Variants in DSCAM observed in about 807,000 individuals in gnomAD.
The protein encoded by DSCAM is cell adhesion molecule DSCAM.
A neutral mutation model predicts 217.7 loss-of-function variants in DSCAM; 47 were observed. That is an observed-to-expected ratio of 0.22 (90% confidence interval 0.17 to 0.28). The LOEUF is 0.28. Ranked by LOEUF, DSCAM falls within the 10% of genes least tolerant of loss-of-function variation. The pLI, the probability that DSCAM is intolerant of heterozygous loss-of-function variation, is 1.00. For missense variants in DSCAM, 2,080 were observed against 2,618.3 expected (o/e 0.79, Z 4.49); for synonymous variants, 1,056 against 1,015.3 (o/e 1.04, Z -0.76).
chr21:40,058,357 C>A (rs539025117), intron 28 of DSCAM, among the ~76,000 whole-genome samples: 2 of 152,246 alleles, frequency 1.3e-5, no homozygotes, highest in South Asian at 4.2e-4. Flanking sequence ...TGTCCCCATT[C>A]TCTGTTTAAT....
chr21:40,155,677 C>T lies in DSCAM; in HGVS notation c.3019-10946G>A, dbSNP rs550136761. Among the ~76,000 whole-genome samples the T allele has an allele frequency of 3.8e-4, 58 of 152,228 alleles. No individual in the cohort carries two copies. In the South Asian group the frequency reaches 0.011, roughly 30 times the overall value. ...AAGACAGTGTCTGATTCTGGAAGCTCTGTAAGACAGCGCCAGGGGAGGGCC... is the reference window on the plus strand; with the variant it reads ...AAGACAGTGTCTGATTCTGGAAGCTTTGTAAGACAGCGCCAGGGGAGGGCC... On this transcript the variant is annotated intron_variant, in intron 16 of 32. Transcript: ENST00000400454.
chr21:40,317,599 G>A lies in DSCAM; in HGVS notation c.1784-5240C>T, dbSNP rs537297774. On this transcript the variant is annotated intron_variant, in intron 8 of 32. Transcript: ENST00000400454. ...GGCTGGAGTTCAGTGGCATGATCTC[G>A]CCTCACTGCAACCTCCACCTCCCGG... Among the ~76,000 whole-genome samples the A allele has an allele frequency of 2.0e-4, 31 of 151,512 alleles. 1 individual carries two copies. The South Asian group carries it at 4.8e-3, about 24-fold the overall frequency.
chr21:40,449,023 T>G (rs73222695), intron 3 of DSCAM, among the ~76,000 whole-genome samples: 1 of 152,160 alleles, frequency 6.6e-6, no homozygotes, highest in African/African-American at 2.4e-5. Context: ...TTATTCCTTT[T>G]CCAGCTTTCA....
chr21:40,560,184 A>G (rs2076709085), intron 3 of DSCAM, among the ~76,000 whole-genome samples: 1 of 152,156 alleles, frequency 6.6e-6, no homozygotes, highest in Non-Finnish European at 1.5e-5. Flanking sequence ...AGGAGCAGAG[A>G]GGCAGCATTT....
chr21:40,368,638 C>G (rs1235060749), intron 4 of DSCAM, among the ~76,000 whole-genome samples: 1 of 152,326 alleles, frequency 6.6e-6, no homozygotes, highest in East Asian at 1.9e-4. Flanking sequence ...AAATAAGGTA[C>G]TTCTCAAATA....
At chr21:40,301,579 C>T (rs184188977) in intron 9 of DSCAM, among the ~76,000 whole-genome samples, 1 of 152,298 alleles carries the variant, frequency 6.6e-6, no homozygotes, top group African/African-American at 2.4e-5. Context: ...TTCTCTGAGG[C>T]CTTAATTACT....
At chr21:40,232,550 C>T (rs2091391478) in intron 11 of DSCAM, among the ~76,000 whole-genome samples, 3 of 152,160 alleles carry the variant, frequency 2.0e-5, no homozygotes, top group South Asian at 4.1e-4. Flanking sequence ...CGGAAAGCTA[C>T]TGCCCAAGCT....
intron 3 of DSCAM, among the ~76,000 whole-genome samples, chr21:40,464,511 C>T (rs2075828946): frequency 6.6e-6 from 1 of 152,160 alleles, no homozygotes; most frequent in East Asian, 1.9e-4. Context: ...CATTGCTTTT[C>T]ATTCTATCTA....
At chr21:40,351,575 G>C (rs2074631539) in intron 5 of DSCAM, among the ~76,000 whole-genome samples, 1 of 152,166 alleles carries the variant, frequency 6.6e-6, no homozygotes, top group Non-Finnish European at 1.5e-5. Context: ...CAAGAAGACA[G>C]TTCTGAATTT....
At chr21:40,511,731 C>A (rs1430697426) in intron 3 of DSCAM, among the ~76,000 whole-genome samples, 1 of 151,988 alleles carries the variant, frequency 6.6e-6, no homozygotes, top group African/African-American at 2.4e-5. Flanking sequence ...GTGGCTCACG[C>A]CTGTAATCCC....
At chr21:40,217,131 T>G (rs73213103) in intron 11 of DSCAM, among the ~76,000 whole-genome samples, 8,288 of 152,276 alleles carry the variant, frequency 0.054, 355 homozygotes, top group African/African-American at 0.11. Context: ...CAAGATTATT[T>G]TATATTTGAA....
intron 3 of DSCAM, among the ~76,000 whole-genome samples, chr21:40,650,750 C>T (rs909845661): frequency 6.6e-6 from 1 of 152,176 alleles, no homozygotes; most frequent in Non-Finnish European, 1.5e-5. Flanking sequence ...CCCATCTCTA[C>T]TAAAATACAA....
At position 40,312,115 on chromosome 21, in the gene DSCAM, G is replaced by T; in HGVS notation, c.2028C>A (p.Ala676=). Residue 676 remains alanine (A), a synonymous_variant, in exon 9 of 33, where the codon GCC becomes GCA. Transcript: ENST00000400454. ...TCAACTGGCTTTGGTGCTCCACAGCGGCGGCCTCATTCCGGGCTATGCAGG... is the reference window on the plus strand; with the variant it reads ...TCAACTGGCTTTGGTGCTCCACAGCTGCGGCCTCATTCCGGGCTATGCAGG... ...NYTCIARNEA[A]AVEHQSQLIV... is the part of the protein sequence containing the mutation. 1 of 1,613,910 alleles carries T rather than the reference G, an allele frequency of 6.2e-7. No individual in the cohort carries two copies. Among genetic ancestry groups the T allele is most frequent in the East Asian group, 2.2e-5 (1 of 44,858 alleles).
At position 40,137,618 on chromosome 21, in the gene DSCAM, C is replaced by T. The variant is rs866829444; in HGVS notation, c.3407-3609G>A. On this transcript the variant is annotated intron_variant, in intron 18 of 32. Transcript: ENST00000400454. ...ATACACACACACACACACACACACACACACACACACACACACACACACACA... is the reference window on the plus strand; with the variant it reads ...ATACACACACACACACACACACACATACACACACACACACACACACACACA... 7.9e-3 allele frequency among the ~76,000 whole-genome samples: 922 copies of T among 117,068 alleles called. 32 individuals carry two copies. The highest frequency in any genetic ancestry group is 0.039 in the East Asian group (181 of 4,640). 76.8% of individuals were successfully genotyped at this position (117,068 alleles called of 152,430 possible).
chr21:40,114,704 A>G (rs978833319), intron 20 of DSCAM, among the ~76,000 whole-genome samples: 1 of 152,202 alleles, frequency 6.6e-6, no homozygotes, highest in African/African-American at 2.4e-5. Flanking sequence ...AATGAACTCA[A>G]ACAAATTTAC....
intron 6 of DSCAM, among the ~76,000 whole-genome samples, chr21:40,345,634 C>T (rs2074549440): frequency 6.6e-6 from 1 of 152,102 alleles, no homozygotes; most frequent in Admixed American, 6.5e-5. Flanking sequence ...TATCCTCAGT[C>T]CTAGTTCACA....
chr21:40,845,669 T>C (rs2092139457), intron 1 of DSCAM, among the ~76,000 whole-genome samples: 1 of 152,082 alleles, frequency 6.6e-6, no homozygotes, highest in Admixed American at 6.5e-5. Flanking sequence ...TAATTTCAAC[T>C]GTCAGTAGGT....
At chr21:40,152,731 G>A (rs1443924297) in intron 16 of DSCAM, among the ~76,000 whole-genome samples, 1 of 152,278 alleles carries the variant, frequency 6.6e-6, no homozygotes, top group Non-Finnish European at 1.5e-5. Flanking sequence ...AGCCGCCTGT[G>A]GCAGATGCAT....
chr21:40,687,185 C>G (rs762676989), intron 3 of DSCAM, among the ~76,000 whole-genome samples: 1 of 152,154 alleles, frequency 6.6e-6, no homozygotes, highest in Non-Finnish European at 1.5e-5. Flanking sequence ...TCCTTTTATA[C>G]TTTTCATTTG....
Sources: allele counts gnomAD v4.1 joint callset (sites outside exome capture counted in the v4.1 genomes callset), GRCh38; gene constraint gnomAD v4.1.1; transcripts MANE v1.5; gene names NCBI Gene and HGNC (gene_info 2026-07-23, HGNC 2026-07-21).